AKNA: variants seen among roughly 807,000 people sequenced by gnomAD.
AKNA encodes microtubule organization protein AKNA.
AKNA carries 67 observed loss-of-function variants against 138.8 expected under a neutral mutation model. That is an observed-to-expected ratio of 0.48 (90% confidence interval 0.40 to 0.59). The LOEUF is 0.59. Among genes scored for constraint, AKNA ranks in the 20% least tolerant of loss-of-function variants. The probability of loss-of-function intolerance (pLI) is 0.00; values close to 1 mark genes in which losing one functional copy is unlikely to be tolerated. For synonymous variants in AKNA, 737 were observed against 754.4 expected (o/e 0.98, Z 0.38); for missense variants, 1,813 against 1,880.4 (o/e 0.96, Z 0.66).
intron 2 of AKNA, among the ~76,000 whole-genome samples, chr9:114,377,824 G>T (rs554678980): frequency 6.6e-6 from 1 of 152,300 alleles, no homozygotes; most frequent in South Asian, 2.1e-4. Context: ...AGAAGGCTGG[G>T]AGGCATCTTT....
At chr9:114,386,675 C>T (rs896945713) in intron 1 of AKNA, among the ~76,000 whole-genome samples, 5 of 152,130 alleles carry the variant, frequency 3.3e-5, no homozygotes, top group African/African-American at 1.2e-4. Context: ...ACACCCAAGC[C>T]GCCACTGCCC....
chr9:114,373,317 C>G (rs1398775418), intron 4 of AKNA, among the ~76,000 whole-genome samples: 1 of 152,300 alleles, frequency 6.6e-6, no homozygotes, highest in East Asian at 1.9e-4. Flanking sequence ...GGTTCCCCCT[C>G]TGCTCTCCTC....
At chr9:114,364,085 G>A (rs1050664879) in intron 7 of AKNA, among the ~76,000 whole-genome samples, 3 of 151,754 alleles carry the variant, frequency 2.0e-5, no homozygotes, top group Non-Finnish European at 4.4e-5. Flanking sequence ...GTTTAAAGGC[G>A]ATAAAAAAGA....
downstream of AKNA, among the ~76,000 whole-genome samples, chr9:114,332,549 G>GAAAAACA (rs1193580555): frequency 6.6e-6 from 1 of 152,018 alleles, no homozygotes; most frequent in Non-Finnish European, 1.5e-5. Context: ...ACTATTCAAA[G>GAAAAACA]AAAAACAATT....
intron 1 of AKNA, among the ~76,000 whole-genome samples, 152 bp from the exon 2 acceptor site, chr9:114,381,598 C>T (rs1350809156): frequency 6.6e-6 from 1 of 151,568 alleles, no homozygotes; most frequent in Non-Finnish European, 1.5e-5. Flanking sequence ...GCAAGTCACT[C>T]TGCCTTCATT....
chr9:114,374,217 C>T (rs763983814), intron 3 of AKNA, 50 bp from the exon 4 acceptor site: 9 of 1,527,100 alleles, frequency 5.9e-6, no homozygotes, highest in Non-Finnish European at 8.0e-6. Flanking sequence ...CACAATGAAC[C>T]CCTCCTTGCT....
intron 21 of AKNA, 119 bp downstream of exon 21, chr9:114,341,414 C>A (rs957589200): frequency 2.4e-6 from 3 of 1,245,878 alleles, no homozygotes; most frequent in Non-Finnish European, 3.4e-6. Context: ...ATGTTATCCA[C>A]GCAGGGATAA....
chr9:114,395,736 TAAAAAAAAAAAAAAA>T (rs11297740), upstream of AKNA, among the ~76,000 whole-genome samples: 3 of 108,250 alleles, frequency 2.8e-5, no homozygotes, highest in Non-Finnish European at 5.3e-5. Flanking sequence ...CAGCTGTCTT[TAAAAAAAAAAAAAAA>T]AAAAAAAAAG....
chr9:114,353,263 T>TG (rs916119436), intron 14 of AKNA, among the ~76,000 whole-genome samples: 32 of 124,152 alleles, frequency 2.6e-4, no homozygotes, highest in Admixed American at 5.0e-4. Flanking sequence ...TATTTTTTGT[T>TG]TTTTTTTTTT....
Position 114,350,795 on chromosome 9 carries a change from C to T in AKNA, c.3221+64G>A, listed in dbSNP as rs35430485. The T allele has an allele frequency of 1.5e-3, 2,218 of 1,486,644 alleles. 2 individuals are homozygous for T. Among genetic ancestry groups the T allele is most frequent in the Non-Finnish European group, 1.8e-3 (2,064 of 1,117,166 alleles). The allele number at this position is 1,486,644 out of a possible 1,614,324, so 92.1% of individuals were successfully genotyped here. A position where few individuals can be genotyped will look rare whatever the true frequency, so the allele number is the denominator to read the frequency against. ...AGGTCTCCACCTCCACCTGCTAACA[C>T]GTCGCATCACGCTCCCGTCTGTATG... On this transcript the variant is annotated intron_variant, in intron 15 of 21. Coordinates refer to ENST00000374088, the MANE Select transcript of AKNA (RefSeq NM_001317950.2).
At chr9:114,346,487 C>G (rs528613486) in intron 17 of AKNA, among the ~76,000 whole-genome samples, 182 bp downstream of exon 17, 1 of 152,376 alleles carries the variant, frequency 6.6e-6, no homozygotes, top group East Asian at 1.9e-4. Context: ...ACACCCTACA[C>G]GCAGTAGGTG....
chr9:114,363,667 G>C (rs1464258446), intron 7 of AKNA, among the ~76,000 whole-genome samples: 2 of 152,082 alleles, frequency 1.3e-5, no homozygotes, highest in Admixed American at 6.5e-5. Flanking sequence ...TCTGTGCTTT[G>C]AGCATCAGGG....
At chr9:114,338,632 G>A (rs1830142724) in intron 21 of AKNA, among the ~76,000 whole-genome samples, 1 of 152,210 alleles carries the variant, frequency 6.6e-6, no homozygotes, top group South Asian at 2.1e-4. Context: ...TAGCAGCTCA[G>A]GCCCTGGAGC....
At chr9:114,381,682 A>C in intron 1 of AKNA, among the ~76,000 whole-genome samples, 1 of 35,328 alleles carries the variant, frequency 2.8e-5, no homozygotes, top group Admixed American at 5.1e-4. Flanking sequence ...TTTTTTTGAG[A>C]CACAGTCTCA....
upstream of AKNA, among the ~76,000 whole-genome samples, chr9:114,397,665 C>T (rs1370963237): frequency 3.3e-5 from 5 of 152,240 alleles, no homozygotes; most frequent in Non-Finnish European, 7.3e-5. Flanking sequence ...CCTGTGCCAG[C>T]CCCATCACAC....
rs1303533324 is a variant in AKNA at position 114,355,841 on chromosome 9, G to A, written c.3058+84C>T. 5.1e-6 allele frequency: 7 copies of A among 1,382,026 alleles called. No individual in the cohort carries two copies. The East Asian group carries it at 9.6e-5, about 19-fold the overall frequency. The allele number at this position is 1,382,026 out of a possible 1,614,324, so 85.6% of individuals were successfully genotyped here. Reference sequence around the variant, plus strand: ...TCAGTACAATGAACCTGGCTAATATGTCATATCCTAAAGGGTTCTGCAAGT... The same window carrying A: ...TCAGTACAATGAACCTGGCTAATATATCATATCCTAAAGGGTTCTGCAAGT... On this transcript the variant is annotated intron_variant, in intron 14 of 21. Coordinates refer to ENST00000374088, the MANE Select transcript of AKNA (RefSeq NM_001317950.2).
intron 4 of AKNA, among the ~76,000 whole-genome samples, chr9:114,372,093 G>A (rs553697339): frequency 6.6e-6 from 1 of 152,356 alleles, no homozygotes; most frequent in African/African-American, 2.4e-5. Context: ...GTGAGATGGG[G>A]TTGGGCAGGA....
At chr9:114,337,409 C>G in intron 21 of AKNA, 103 bp from the exon 22 acceptor site, 2 of 1,228,826 alleles carry the variant, frequency 1.6e-6, no homozygotes, top group Non-Finnish European at 2.1e-6. Context: ...CCAGCTGGGC[C>G]AGTGGCTCCT....
chr9:114,359,834 T>G, intron 10 of AKNA, 40 bp from the exon 11 acceptor site: 1 of 1,612,546 alleles, frequency 6.2e-7, no homozygotes, highest in South Asian at 1.1e-5. Flanking sequence ...CTCTGCCCAG[T>G]GGGGGACAGC....
Sources: allele counts gnomAD v4.1 joint callset (sites outside exome capture counted in the v4.1 genomes callset), GRCh38; gene constraint gnomAD v4.1.1; transcripts MANE v1.5; gene names NCBI Gene and HGNC (gene_info 2026-07-23, HGNC 2026-07-21).